CUX1: variants seen among roughly 807,000 people sequenced by gnomAD.
CUX1 encodes cut like homeobox 1.
Under a neutral mutation model 158.8 loss-of-function variants are expected in CUX1, and 31 were observed. The ratio of observed to expected loss-of-function variants is 0.20; its 90% CI spans 0.15 to 0.26. The LOEUF is 0.26. CUX1 is among the 10% of genes least tolerant of loss of function. The pLI, the probability that CUX1 is intolerant of heterozygous loss-of-function variation, is 1.00. For missense variants in CUX1, 1,589 were observed against 2,014.6 expected, an observed-to-expected ratio of 0.79 and a Z score of 4.04; for synonymous variants, 879 against 862.1, an observed-to-expected ratio of 1.02 and a Z score of -0.34.
At chr7:102,120,200 G>A (rs1831883906) in intron 8 of CUX1, among the ~76,000 whole-genome samples, 1 of 152,200 alleles carries the variant, frequency 6.6e-6, no homozygotes, top group African/African-American at 2.4e-5. Flanking sequence ...CAGCCAAGCG[G>A]CTAGTGTTCT....
chr7:101,871,472 C>G (rs1388012192), intron 1 of CUX1, among the ~76,000 whole-genome samples: 1 of 152,020 alleles, frequency 6.6e-6, no homozygotes, highest in Non-Finnish European at 1.5e-5. Flanking sequence ...GGTGGAGGTG[C>G]CTGCAGCACA....
chr7:102,092,301 C>T (rs1828657625), intron 4 of CUX1, among the ~76,000 whole-genome samples: 1 of 152,198 alleles, frequency 6.6e-6, no homozygotes, highest in Non-Finnish European at 1.5e-5. Flanking sequence ...CTTGACCATG[C>T]CCTGTTCACA....
At chr7:102,161,988 G>A (rs1554507299) in intron 9 of CUX1, among the ~76,000 whole-genome samples, 2 of 152,158 alleles carry the variant, frequency 1.3e-5, no homozygotes, top group African/African-American at 2.4e-5. Flanking sequence ...TCCATGGCCA[G>A]GACAGGGAGG....
intron 20 of CUX1, among the ~76,000 whole-genome samples, chr7:102,205,724 G>A (rs189411710): frequency 5.3e-5 from 8 of 152,238 alleles, no homozygotes; most frequent in South Asian, 2.1e-4. Context: ...AGGTGGTGGC[G>A]GAGAGTGGTG....
intron 2 of CUX1, among the ~76,000 whole-genome samples, chr7:101,993,903 G>A (rs1201925571): frequency 6.6e-6 from 1 of 152,088 alleles, no homozygotes; most frequent in East Asian, 1.9e-4. Context: ...GCCATTCCCA[G>A]CGCTCCTGTT....
At chr7:102,278,654 TAAAAA>T (rs201139444) in intron 18 of CUX1, among the ~76,000 whole-genome samples, 1,627 of 31,166 alleles carry the variant, frequency 0.052, 25 homozygotes, top group African/African-American at 0.14. Flanking sequence ...TAAAATAAAA[TAAAAA>T]AATAAAATAA....
At chr7:101,990,655 G>A (rs1814987754) in intron 2 of CUX1, among the ~76,000 whole-genome samples, 1 of 151,484 alleles carries the variant, frequency 6.6e-6, no homozygotes, top group Non-Finnish European at 1.5e-5. Context: ...GGGATTACAG[G>A]TGTGAGTCAC....
At chr7:101,843,533 T>G (rs767104004) in intron 1 of CUX1, among the ~76,000 whole-genome samples, 15 of 152,246 alleles carry the variant, frequency 9.9e-5, no homozygotes, top group Non-Finnish European at 1.5e-4. Flanking sequence ...TTCTTAAAAT[T>G]ATTAAGAGCC....
chr7:101,990,187 C>T (rs1814915295), intron 2 of CUX1, among the ~76,000 whole-genome samples: 1 of 150,898 alleles, frequency 6.6e-6, no homozygotes, highest in African/African-American at 2.4e-5. Context: ...GGTAAGACCC[C>T]ATCTCTTAAG....
intron 8 of CUX1, among the ~76,000 whole-genome samples, chr7:102,143,462 G>A (rs1585885235): frequency 6.6e-6 from 1 of 152,068 alleles, no homozygotes. Context: ...TTGTAGAGAC[G>A]GAGCTTCACC....
chr7:102,139,885 T>C (rs1834270906), intron 8 of CUX1, among the ~76,000 whole-genome samples: 1 of 151,998 alleles, frequency 6.6e-6, no homozygotes. Context: ...CTCAAGCTCT[T>C]GGCCTCAAGC....
intron 1 of CUX1, among the ~76,000 whole-genome samples, chr7:101,866,927 A>T (rs1209931065): frequency 6.6e-6 from 1 of 152,228 alleles, no homozygotes; most frequent in Non-Finnish European, 1.5e-5. Context: ...GTTTCATAAA[A>T]GTTGTATTTG....
chr7:102,115,434 C>A, intron 8 of CUX1, 161 bp downstream of exon 8: 1 of 561,092 alleles, frequency 1.8e-6, no homozygotes. Flanking sequence ...TTCTAGCACT[C>A]ACTGGGTAAT....
chr7:102,196,550 G>A, intron 14 of CUX1, 84 bp from the exon 15 acceptor site: 4 of 1,307,490 alleles, frequency 3.1e-6, no homozygotes, highest in South Asian at 2.1e-5. Flanking sequence ...CCTTTTGCGG[G>A]GGCAAACTTT....
intron 2 of CUX1, among the ~76,000 whole-genome samples, chr7:101,993,412 G>C (rs1815401178): frequency 6.6e-6 from 1 of 152,178 alleles, no homozygotes. Context: ...CACCATCAGA[G>C]AAATGGAGTC....
At position 101,855,103 on chromosome 7, in the gene CUX1, C is replaced by T. The variant is rs1052171412; in HGVS notation, c.30+37434C>T. 2.6e-5 allele frequency among the ~76,000 whole-genome samples: 4 copies of T among 152,236 alleles called. No homozygotes were observed. The East Asian group carries it at 7.7e-4, about 29-fold the overall frequency. On this transcript the variant is annotated intron_variant, in intron 1 of 23. Transcript: ENST00000292535. ...TCTTCTCTGTTAATGCATCCTCTTC[C>T]CTCTTGCTTAAAAATTTCCCCAGTG... is the stretch of plus-strand genomic sequence containing the variant.
intron 3 of CUX1, among the ~76,000 whole-genome samples, chr7:102,039,660 CAAAA>C (rs951801289): frequency 1.1e-5 from 1 of 90,336 alleles, no homozygotes. Flanking sequence ...GTCTCTATTT[CAAAA>C]AAAAAAAAAA....
chr7:101,946,558 A>AG (rs1808399360), intron 2 of CUX1, among the ~76,000 whole-genome samples: 1 of 150,366 alleles, frequency 6.7e-6, no homozygotes, highest in Non-Finnish European at 1.5e-5. Context: ...AAAAAAAAAA[A>AG]AAAAAAAGAG....
At chr7:101,878,602 C>A (rs896346995) in intron 1 of CUX1, among the ~76,000 whole-genome samples, 1 of 151,716 alleles carries the variant, frequency 6.6e-6, no homozygotes, top group African/African-American at 2.4e-5. Context: ...AGATCCTTTT[C>A]AATACAATGT....
Sources: gnomAD v4.1 joint callset for allele counts (sites outside exome capture counted in the v4.1 genomes callset) on GRCh38, gnomAD v4.1.1 for gene constraint, MANE v1.5 for transcripts, NCBI Gene and HGNC (gene_info 2026-07-23, HGNC 2026-07-21) for gene names.